Variants in TMED3 observed in about 807,000 individuals in gnomAD.
TMED3 encodes transmembrane p24 trafficking protein 3, also known as transmembrane emp24 domain-containing protein 3.
In TMED3, 9 loss-of-function variants were observed where a neutral mutation model predicts 15.0. The observed-to-expected ratio is 0.60, with a 90% CI of 0.36 to 1.04. The LOEUF is 1.04. TMED3 is among the 50% of genes least tolerant of loss of function. The pLI is 0.01. For missense variants in TMED3, 267 were observed against 278.9 expected (o/e 0.96, Z 0.30); for synonymous variants, 117 against 121.4 (o/e 0.96, Z 0.24).
intron 2 of TMED3, among the ~76,000 whole-genome samples, chr15:79,387,284 T>C (rs1429812179): frequency 6.6e-6 from 1 of 152,228 alleles, no homozygotes; most frequent in Non-Finnish European, 1.5e-5. Context: ...CCCAATTATT[T>C]CAGTTTCTTA....
At chr15:79,413,524 T>G (rs1378850842) in exon 3 of TMED3, 2 of 152,200 alleles carry the variant, frequency 1.3e-5, no homozygotes, top group African/African-American at 2.4e-5. Context: ...AATACACACA[T>G]GGTGAGGTTT....
intron 2 of TMED3, among the ~76,000 whole-genome samples, chr15:79,336,564 C>T (rs975365507): frequency 2.6e-5 from 4 of 151,924 alleles, no homozygotes; most frequent in African/African-American, 9.7e-5. Flanking sequence ...AGGCTGAGGC[C>T]GGAGAATGAC....
intron 2 of TMED3, among the ~76,000 whole-genome samples, chr15:79,332,870 A>G (rs1420873363): frequency 6.6e-6 from 1 of 152,160 alleles, no homozygotes; most frequent in Non-Finnish European, 1.5e-5. Flanking sequence ...TAACTTCGTC[A>G]TTTCCAAACT....
chr15:79,353,575 T>TACACACAC (rs55929180), intron 2 of TMED3, among the ~76,000 whole-genome samples: 10,153 of 135,464 alleles, frequency 0.075, 600 homozygotes, highest in African/African-American at 0.16. Context: ...GGGTTAAAAA[T>TACACACAC]ACACACACAC....
At chr15:79,404,662 C>T (rs1398382021) in intron 2 of TMED3, among the ~76,000 whole-genome samples, 1 of 152,232 alleles carries the variant, frequency 6.6e-6, no homozygotes, top group Non-Finnish European at 1.5e-5. Flanking sequence ...CTCCTTTAGG[C>T]CTCTTTACCA....
chr15:79,380,352 C>CTA (rs200499386), intron 2 of TMED3, among the ~76,000 whole-genome samples: 4 of 146,412 alleles, frequency 2.7e-5, no homozygotes, highest in Admixed American at 6.9e-5. Context: ...TCTGTCTCAA[C>CTA]TATATATATA....
chr15:79,317,607 C>CAT (rs2058746233), intron 2 of TMED3, among the ~76,000 whole-genome samples: 1 of 9,612 alleles, frequency 1.0e-4, no homozygotes, highest in Admixed American at 2.6e-3. Context: ...CATATGAATA[C>CAT]ATATGTGTGT....
chr15:79,357,315 A>C (rs2058923050), intron 2 of TMED3, among the ~76,000 whole-genome samples: 1 of 149,720 alleles, frequency 6.7e-6, no homozygotes, highest in Non-Finnish European at 1.5e-5. Flanking sequence ...TGAGACTCCC[A>C]TTTCTACAGA....
At chr15:79,358,230 C>T in intron 2 of TMED3, among the ~76,000 whole-genome samples, 1 of 152,222 alleles carries the variant, frequency 6.6e-6, no homozygotes, top group East Asian at 1.9e-4. Context: ...TTCTGGGGGC[C>T]TGCTGTCTCA....
At chr15:79,385,199 T>G (rs1893609074) in intron 2 of TMED3, among the ~76,000 whole-genome samples, 1 of 152,140 alleles carries the variant, frequency 6.6e-6, no homozygotes, top group African/African-American at 2.4e-5. Flanking sequence ...CACACAGAAC[T>G]GTGTGGAGTC....
Position 79,381,642 on chromosome 15 carries a change from G to A in TMED3, c.418-29758G>A, listed in dbSNP as rs140290719. 1.3e-3 allele frequency among the ~76,000 whole-genome samples: 203 copies of A among 152,274 alleles called. 1 individual carries two copies. The highest frequency in any genetic ancestry group is 2.5e-3 in the Non-Finnish European group (168 of 68,014). ...TTTAACCTGGTATCTCATCAGAACA[G>A]GGACAAAAGAAGACAAATCATATTG... On this transcript the variant is annotated intron_variant, in intron 2 of 2. Transcript: ENST00000424155.
At chr15:79,316,383 A>G (rs1351532498) in intron 2 of TMED3, among the ~76,000 whole-genome samples, 1 of 152,182 alleles carries the variant, frequency 6.6e-6, no homozygotes, top group Non-Finnish European at 1.5e-5. Flanking sequence ...TCAGAGCTGA[A>G]GGTTTCTGAC....
chr15:79,331,542 CAAA>C (rs71451761), intron 2 of TMED3, among the ~76,000 whole-genome samples: 16,488 of 89,298 alleles, frequency 0.18, 1,240 homozygotes, highest in Middle Eastern at 0.36. Flanking sequence ...GCAAAAGAAG[CAAA>C]AAAAAAAAAA....
At chr15:79,321,937 C>G (rs1444324514) in intron 2 of TMED3, 41 bp from the exon 3 acceptor site, 12 of 1,600,070 alleles carry the variant, frequency 7.5e-6, no homozygotes. Flanking sequence ...CCACATTTGT[C>G]TATGGGTTAG....
intron 2 of TMED3, among the ~76,000 whole-genome samples, chr15:79,407,930 T>C (rs1459122994): frequency 1.3e-5 from 2 of 152,184 alleles, no homozygotes; most frequent in East Asian, 3.9e-4. Flanking sequence ...ACCAGATTGG[T>C]TTTTGTTCAG....
intron 2 of TMED3, among the ~76,000 whole-genome samples, chr15:79,330,640 T>A (rs1229477424): frequency 6.6e-6 from 1 of 152,176 alleles, no homozygotes; most frequent in Non-Finnish European, 1.5e-5. Context: ...GCAATCCCCA[T>A]CAAAATACTC....
chr15:79,364,243 C>T (rs952299906), intron 2 of TMED3, among the ~76,000 whole-genome samples: 1 of 152,192 alleles, frequency 6.6e-6, no homozygotes, highest in African/African-American at 2.4e-5. Context: ...GGCTCCACCC[C>T]CATTCCCCCA....
intron 1 of TMED3, among the ~76,000 whole-genome samples, chr15:79,313,386 C>T (rs1470066883): frequency 6.6e-6 from 1 of 152,156 alleles, no homozygotes; most frequent in Non-Finnish European, 1.5e-5. Flanking sequence ...GAACCAAAAG[C>T]TCTCAAGGCA....
At chr15:79,315,442 A>G (rs2058736528) in intron 2 of TMED3, among the ~76,000 whole-genome samples, 1 of 152,124 alleles carries the variant, frequency 6.6e-6, no homozygotes, top group Non-Finnish European at 1.5e-5. Flanking sequence ...TGTGTGTAAG[A>G]TCTTTTGCAA....
Sources: gnomAD v4.1 joint callset for allele counts (sites outside exome capture counted in the v4.1 genomes callset) on GRCh38, gnomAD v4.1.1 for gene constraint, MANE v1.5 for transcripts, NCBI Gene and HGNC (gene_info 2026-07-23, HGNC 2026-07-21) for gene names.